The following CTNNA2 variants were observed in gnomAD, a reference collection of about 807,000 sequenced individuals.
CTNNA2 encodes catenin alpha 2.
CTNNA2 carries 42 observed loss-of-function variants against 101.0 expected under a neutral mutation model. The observed-to-expected ratio is 0.42, with a 90% CI of 0.32 to 0.54. The LOEUF (loss-of-function observed/expected upper bound fraction) is 0.54, where lower values mean the gene tolerates loss of function less well. CTNNA2 is among the 20% of genes least tolerant of loss of function. The pLI is 0.14. For synonymous variants in CTNNA2, 450 were observed against 456.4 expected, an observed-to-expected ratio of 0.99 and a Z score of 0.18; for missense variants, 871 against 1,223.1, an observed-to-expected ratio of 0.71 and a Z score of 4.29.
At chr2:80,378,356 CAAAAAATA>C (rs779545464) in intron 7 of CTNNA2, among the ~76,000 whole-genome samples, 11,224 of 136,338 alleles carry the variant, frequency 0.082, 557 homozygotes, top group South Asian at 0.21. Context: ...AACTCTGTCT[CAAAAAATA>C]AATAAATAAA....
chr2:80,030,516 G>T (rs1225264470), intron 7 of CTNNA2: 3 of 152,188 alleles, frequency 2.0e-5, no homozygotes, highest in African/African-American at 7.2e-5. Context: ...GGAATTCAGG[G>T]CATTAGGGTT....
In CTNNA2 at chr2:79,552,329, T is replaced by C. The variant is rs372444087; in HGVS notation, c.-6+39122T>C. On this transcript the variant is annotated intron_variant, in intron 1 of 18. Transcript: ENST00000402739. Reference sequence around the variant, plus strand: ...GTGTCTCACATCCAGACCACAGTGATGCAAGGGTGGGCTCCCAAGGCACTG... The same window carrying C: ...GTGTCTCACATCCAGACCACAGTGACGCAAGGGTGGGCTCCCAAGGCACTG... Among the ~76,000 whole-genome samples, 24 of 152,286 alleles carry C rather than the reference T, an allele frequency of 1.6e-4. No homozygotes were observed. The South Asian group carries it at 5.0e-3, about 32-fold the overall frequency.
chr2:79,801,370 A>G (rs1282758878), intron 3 of CTNNA2, among the ~76,000 whole-genome samples: 3 of 152,198 alleles, frequency 2.0e-5, no homozygotes, highest in Admixed American at 2.0e-4. Flanking sequence ...AGTCAAGCAT[A>G]GTGGATAGTT....
At chr2:79,195,739 T>C in intron 1 of CTNNA2, 1 of 460,188 alleles carries the variant, frequency 2.2e-6, no homozygotes, top group Non-Finnish European at 4.3e-6. Context: ...CACAGAGGGA[T>C]GTGTCATATC....
At chr2:79,921,441 C>T (rs1240962133) in intron 7 of CTNNA2, among the ~76,000 whole-genome samples, 1 of 152,170 alleles carries the variant, frequency 6.6e-6, no homozygotes, top group Non-Finnish European at 1.5e-5. Context: ...GATAGTTAAT[C>T]TCTTCTTTGA....
At chr2:79,353,006 C>T (rs1265672495) in intron 3 of CTNNA2, among the ~76,000 whole-genome samples, 1 of 152,106 alleles carries the variant, frequency 6.6e-6, no homozygotes, top group East Asian at 1.9e-4. Flanking sequence ...CCCTTGAGAA[C>T]TCTATCATGA....
chr2:79,946,312 A>AT (rs1427720070), intron 7 of CTNNA2, among the ~76,000 whole-genome samples: 3 of 145,654 alleles, frequency 2.1e-5, no homozygotes, highest in African/African-American at 7.6e-5. Context: ...TCCGTTTCAT[A>AT]TTTAACACTA....
intron 7 of CTNNA2, among the ~76,000 whole-genome samples, chr2:80,115,917 T>A (rs1701485553): frequency 6.6e-6 from 1 of 152,190 alleles, no homozygotes; most frequent in Admixed American, 6.5e-5. Context: ...TCTCCGTGCC[T>A]TTGTTTCTCT....
chr2:80,494,498 T>C (rs1227600903), intron 9 of CTNNA2, among the ~76,000 whole-genome samples: 3 of 152,152 alleles, frequency 2.0e-5, no homozygotes, highest in Non-Finnish European at 1.5e-5. Flanking sequence ...GGACTATACA[T>C]AGATTTTTTT....
intron 9 of CTNNA2, among the ~76,000 whole-genome samples, chr2:80,522,207 G>C (rs951281951): frequency 6.6e-6 from 1 of 152,154 alleles, no homozygotes; most frequent in African/African-American, 2.4e-5. Context: ...TGCAGAGAGA[G>C]TCAGCTCTGT....
chr2:80,444,487 T>G (rs1487293269), intron 9 of CTNNA2, among the ~76,000 whole-genome samples: 2 of 152,158 alleles, frequency 1.3e-5, no homozygotes, highest in Non-Finnish European at 2.9e-5. Context: ...CCATTGACAT[T>G]TTAGGCCAGA....
At chr2:79,319,752 A>AGTAAGAGTGTCC (rs1558624057) in intron 3 of CTNNA2, 1 of 152,290 alleles carries the variant, frequency 6.6e-6, no homozygotes, top group Non-Finnish European at 1.5e-5. Context: ...TGGACACTAA[A>AGTAAGAGTGTCC]ACTTTTCTGC....
intron 3 of CTNNA2, among the ~76,000 whole-genome samples, chr2:79,364,433 G>A (rs1677699579): frequency 6.6e-6 from 1 of 152,128 alleles, no homozygotes; most frequent in Non-Finnish European, 1.5e-5. Flanking sequence ...GATTTATAGG[G>A]TTCTGCGAAA....
At chr2:80,150,831 G>C (rs1193916252) in intron 7 of CTNNA2, among the ~76,000 whole-genome samples, 1 of 152,128 alleles carries the variant, frequency 6.6e-6, no homozygotes, top group Non-Finnish European at 1.5e-5. Flanking sequence ...TTTCAACTTG[G>C]AAAAATATAT....
At chr2:80,214,767 T>C (rs1708146656) in intron 7 of CTNNA2, among the ~76,000 whole-genome samples, 1 of 152,218 alleles carries the variant, frequency 6.6e-6, no homozygotes, top group Non-Finnish European at 1.5e-5. Context: ...AGTATCTTTG[T>C]GGCGTTCTCT....
rs946513085 is a variant in CTNNA2 at position 80,648,091 on chromosome 2, G to A, written c.*219G>A. The A allele has an allele frequency of 5.1e-6, 2 of 394,106 alleles. No individual in the cohort carries two copies. The highest frequency in any genetic ancestry group is 9.0e-6 in the Non-Finnish European group (2 of 221,260). 24.4% of individuals were successfully genotyped at this position (394,106 alleles called of 1,614,324 possible). A position where few individuals can be genotyped will look rare whatever the true frequency, so the allele number is the denominator to read the frequency against. Reference sequence around the variant, plus strand: ...GACATTCCTGTACTAAGGTGGCACAGAGCTGTCCTTTGCAACATTCTCATA... The same window carrying A: ...GACATTCCTGTACTAAGGTGGCACAAAGCTGTCCTTTGCAACATTCTCATA... On this transcript the variant is annotated 3_prime_UTR_variant, in exon 19 of 19. Coordinates refer to ENST00000402739, the MANE Select transcript of CTNNA2 (RefSeq NM_001282597.3).
chr2:79,941,351 C>T (rs1382977323), intron 7 of CTNNA2, among the ~76,000 whole-genome samples: 1 of 152,248 alleles, frequency 6.6e-6, no homozygotes, highest in Admixed American at 6.5e-5. Context: ...GCCACTCCCT[C>T]TCTTATTCCT....
chr2:80,109,632 T>C (rs1434694086), intron 7 of CTNNA2, among the ~76,000 whole-genome samples: 1 of 152,174 alleles, frequency 6.6e-6, no homozygotes, highest in Non-Finnish European at 1.5e-5. Context: ...CAGCATAATG[T>C]TCTCTGCTTC....
intron 3 of CTNNA2, among the ~76,000 whole-genome samples, chr2:79,830,852 A>G (rs554042505): frequency 6.6e-6 from 1 of 152,334 alleles, no homozygotes; most frequent in East Asian, 1.9e-4. Context: ...TTACCCTGTG[A>G]GTCTCCAAAG....
Sources: allele counts gnomAD v4.1 joint callset (sites outside exome capture counted in the v4.1 genomes callset), GRCh38; gene constraint gnomAD v4.1.1; transcripts MANE v1.5; gene names NCBI Gene and HGNC (gene_info 2026-07-23, HGNC 2026-07-21).